ZFAND1: variants seen among roughly 807,000 people sequenced by gnomAD.
ZFAND1 encodes zinc finger AN1-type containing 1, also known as AN1-type zinc finger protein 1.
A neutral mutation model predicts 38.5 loss-of-function variants in ZFAND1; 40 were observed. The ratio of observed to expected loss-of-function variants is 1.04; its 90% CI spans 0.81 to 1.35. The LOEUF (loss-of-function observed/expected upper bound fraction) is 1.35. ZFAND1 is among the 40% of genes most tolerant of loss of function. ZFAND1 has a pLI of 0.00. For missense variants in ZFAND1, 346 were observed against 316.3 expected, an observed-to-expected ratio of 1.09 and a Z score of -0.71; for synonymous variants, 117 against 103.6, an observed-to-expected ratio of 1.13 and a Z score of -0.78.
In ZFAND1 at chr8:81,714,000, C is replaced by G; in HGVS notation, c.398G>C (p.Gly133Ala). The G allele has an allele frequency of 6.2e-7, 1 of 1,612,232 alleles. No homozygotes were observed. Among genetic ancestry groups the G allele is most frequent in the Non-Finnish European group, 8.5e-7 (1 of 1,179,540 alleles). The change falls in exon 6 of 8, where the codon GGT becomes GCT. Residue 133 changes from glycine to alanine, a missense_variant. Gly to Ala is a moderately conservative substitution (Grantham distance 60). Transcript: ENST00000220669. Reference sequence around the variant, plus strand: ...TGCAGCTGTTTCACTATTTTTGGCACCTTTCCATCGTTTACTTGCTGTTTC... The same window carrying G: ...TGCAGCTGTTTCACTATTTTTGGCAGCTTTCCATCGTTTACTTGCTGTTTC... The part of the protein sequence containing the change: ...TGETASKRWK[G>A]AKNSETAAKV...
Position 81,702,624 on chromosome 8 carries a change from G to A in ZFAND1, c.*71C>T, listed in dbSNP as rs1807843856. The A allele has an allele frequency of 1.7e-6, 2 of 1,200,826 alleles. No homozygotes were observed. Among genetic ancestry groups the A allele is most frequent in the Non-Finnish European group, 2.2e-6 (2 of 908,766 alleles). The allele number at this position is 1,200,826 out of a possible 1,614,324, so 74.4% of individuals were successfully genotyped here. A position where few individuals can be genotyped will look rare whatever the true frequency, so the allele number is the denominator to read the frequency against. ...TTTAAAAATTACAAAAATAGTATTT[G>A]TAGTAAAATAAATGGACTTAAACAT... On this transcript the variant is annotated 3_prime_UTR_variant, in exon 8 of 8. Transcript: ENST00000220669.
At chr8:81,716,641 G>C (rs1425669454) in intron 3 of ZFAND1, among the ~76,000 whole-genome samples, 2 of 152,094 alleles carry the variant, frequency 1.3e-5, no homozygotes, top group African/African-American at 4.8e-5. Flanking sequence ...ATTAACTTAC[G>C]TGTATATTTA....
intron 6 of ZFAND1, among the ~76,000 whole-genome samples, chr8:81,705,295 C>T (rs904173391): frequency 6.6e-6 from 1 of 152,038 alleles, no homozygotes; most frequent in African/African-American, 2.4e-5. Flanking sequence ...ATTTTAAATG[C>T]ATTAACTGAA....
At chr8:81,714,749 G>C (rs1288717356) in intron 5 of ZFAND1, 55 bp downstream of exon 5, 11 of 1,494,172 alleles carry the variant, frequency 7.4e-6, no homozygotes, top group Non-Finnish European at 1.0e-5. Context: ...GTAGATATAA[G>C]AAGCAGGAGC....
rs551958118 is a variant in ZFAND1 at position 81,706,641 on chromosome 8, A to T, written c.481-3517T>A. Among the ~76,000 whole-genome samples the T allele has an allele frequency of 1.1e-4, 16 of 152,160 alleles. No individual in the cohort carries two copies. The South Asian group carries it at 2.9e-3, about 28-fold the overall frequency. On this transcript the variant is annotated intron_variant, in intron 6 of 7. Transcript: ENST00000220669. ...TTATATTGGAGATTATAGATAATGTAGTATGAAAAATGAAATAATGAGTAT... is the reference window on the plus strand; with the variant it reads ...TTATATTGGAGATTATAGATAATGTTGTATGAAAAATGAAATAATGAGTAT...
intron 6 of ZFAND1, among the ~76,000 whole-genome samples, chr8:81,706,334 T>C (rs1807977748): frequency 1.2e-5 from 1 of 86,418 alleles, no homozygotes; most frequent in Non-Finnish European, 2.3e-5. Flanking sequence ...GAATGTACTT[T>C]AGTAAAAATA....
At chr8:81,707,104 G>A (rs1348627026) in intron 6 of ZFAND1, among the ~76,000 whole-genome samples, 1 of 152,188 alleles carries the variant, frequency 6.6e-6, no homozygotes, top group Non-Finnish European at 1.5e-5. Flanking sequence ...TCTGAGTCAG[G>A]CCAAAAGCCT....
chr8:81,717,970 T>G (rs930275866), intron 2 of ZFAND1, among the ~76,000 whole-genome samples: 1 of 152,096 alleles, frequency 6.6e-6, no homozygotes, highest in East Asian at 1.9e-4. Flanking sequence ...AAAATATAAC[T>G]TTTATATAAA....
intron 6 of ZFAND1, among the ~76,000 whole-genome samples, chr8:81,709,529 G>A (rs1432335711): frequency 1.3e-5 from 2 of 151,832 alleles, no homozygotes; most frequent in Admixed American, 6.6e-5. Flanking sequence ...ACATATACAA[G>A]TAGAATACAT....
At chr8:81,705,802 C>T (rs549701319) in intron 6 of ZFAND1, among the ~76,000 whole-genome samples, 1 of 152,252 alleles carries the variant, frequency 6.6e-6, no homozygotes, top group South Asian at 2.1e-4. Flanking sequence ...GCCTGTAGTC[C>T]CAGCTACTCA....
chr8:81,714,804 C>T lies in ZFAND1; in HGVS notation c.358G>A (p.Asp120Asn), dbSNP rs1808249591. The T allele has an allele frequency of 3.1e-6, 5 of 1,613,524 alleles. No individual in the cohort carries two copies. Among genetic ancestry groups the T allele is most frequent in the Non-Finnish European group, 4.2e-6 (5 of 1,179,696 alleles). Residue 120 changes from aspartate (D) to asparagine (N), a missense_variant and splice_region_variant, in exon 5 of 8, where the codon GAT becomes AAT. Transcript: ENST00000220669. ...ATQKLVKDII[D>N]SKTGETASKR... ...CAAAACACGCTTTCTAGATACTTACCAATAATGTCTTTAACAAGTTTCTGA... is the reference window on the plus strand; with the variant it reads ...CAAAACACGCTTTCTAGATACTTACTAATAATGTCTTTAACAAGTTTCTGA...
In ZFAND1 at chr8:81,707,665, T is replaced by C. The variant is rs531045120; in HGVS notation, c.481-4541A>G. ...AAAAATATGGATGGGACTTGCATGATCAGATATAGAACATTCTATAAAGCT... is the reference window on the plus strand; with the variant it reads ...AAAAATATGGATGGGACTTGCATGACCAGATATAGAACATTCTATAAAGCT... On this transcript the variant is annotated intron_variant, in intron 6 of 7. Transcript: ENST00000220669. Among the ~76,000 whole-genome samples the C allele has an allele frequency of 2.0e-5, 3 of 152,288 alleles. No individual in the cohort carries two copies. The East Asian group carries it at 5.8e-4, about 29-fold the overall frequency.
At chr8:81,714,700 A>ACAAGTTAATAACC in intron 5 of ZFAND1, 104 bp downstream of exon 5, 1 of 912,040 alleles carries the variant, frequency 1.1e-6, no homozygotes. Context: ...TAATACGAAT[A>ACAAGTTAATAACC]CCACTGGGGT....
At chr8:81,721,190 C>T (rs1476673331) in intron 1 of ZFAND1, 37 bp downstream of exon 1, 6 of 1,544,916 alleles carry the variant, frequency 3.9e-6, no homozygotes, top group African/African-American at 2.7e-5. Flanking sequence ...CCTGGTCTCC[C>T]GCGGCCGGGG....
At chr8:81,712,489 G>A (rs1563607222) in intron 6 of ZFAND1, among the ~76,000 whole-genome samples, 2 of 152,016 alleles carry the variant, frequency 1.3e-5, no homozygotes, top group Non-Finnish European at 2.9e-5. Context: ...AAATAGCCCA[G>A]AAAATCTACA....
intron 2 of ZFAND1, among the ~76,000 whole-genome samples, chr8:81,717,841 C>T (rs867122859): frequency 2.0e-5 from 3 of 151,942 alleles, no homozygotes; most frequent in Non-Finnish European, 4.4e-5. Flanking sequence ...TATTTTAAGG[C>T]ATTTATAGGT....
chr8:81,712,372 G>A (rs1004180289), intron 6 of ZFAND1, among the ~76,000 whole-genome samples: 3 of 151,986 alleles, frequency 2.0e-5, no homozygotes, highest in Non-Finnish European at 4.4e-5. Flanking sequence ...ACATTGTTCT[G>A]AAGATCTCAA....
Position 81,702,816 on chromosome 8 carries a change from T to C in ZFAND1, c.686A>G (p.His229Arg). ...CTTAGCAATCCAGGTTTCCAAAGTA[T>C]GATCCAAGGGTAAGGCTTCTCCTGA... is the stretch of plus-strand genomic sequence containing the variant. ...ITSGEALPLD[H>R]TLETWIAKED... Residue 229 changes from histidine to arginine, a missense_variant, in exon 8 of 8, where the codon CAT becomes CGT. Physicochemically the swap from His to Arg is conservative, Grantham distance 29. Coordinates refer to ENST00000220669, the MANE Select transcript of ZFAND1 (RefSeq NM_024699.3). The C allele has an allele frequency of 6.2e-7, 1 of 1,609,290 alleles. No individual in the cohort carries two copies. Among genetic ancestry groups the C allele is most frequent in the Non-Finnish European group, 8.5e-7 (1 of 1,178,194 alleles).
intron 6 of ZFAND1, 99 bp from the exon 7 acceptor site, chr8:81,703,223 T>A: frequency 1.2e-6 from 1 of 806,128 alleles, no homozygotes; most frequent in Non-Finnish European, 1.8e-6. Context: ...AGAGCAGAAT[T>A]ACCTTCTAAC....
Sources: allele counts gnomAD v4.1 joint callset (sites outside exome capture counted in the v4.1 genomes callset), GRCh38; gene constraint gnomAD v4.1.1; transcripts MANE v1.5; gene names NCBI Gene and HGNC (gene_info 2026-07-23, HGNC 2026-07-21).